Variants in BLK observed in about 807,000 individuals in gnomAD.
BLK encodes tyrosine-protein kinase Blk.
In BLK, 64 loss-of-function variants were observed where a neutral mutation model predicts 61.8. The observed-to-expected ratio is 1.03, with a 90% CI of 0.85 to 1.27. BLK has a LOEUF of 1.27. Ranked by LOEUF, BLK falls within the 50% of genes most tolerant of loss-of-function variation. The pLI, the probability that BLK is intolerant of heterozygous loss-of-function variation, is 0.00. For missense variants in BLK, 853 were observed against 660.5 expected (o/e 1.29, Z -3.19); for synonymous variants, 351 against 272.0 (o/e 1.29, Z -2.86).
chr8:11,549,913 C>G (rs1423383835), intron 5 of BLK: 11 of 539,868 alleles, frequency 2.0e-5, no homozygotes, highest in Non-Finnish European at 3.0e-5. Context: ...GGTCAACCAA[C>G]TAGTGTTCTT....
intron 1 of BLK, among the ~76,000 whole-genome samples, chr8:11,512,437 G>A (rs938907658): frequency 6.6e-6 from 1 of 152,194 alleles, no homozygotes; most frequent in African/African-American, 2.4e-5. Flanking sequence ...CACAGATGTG[G>A]ATAGTCTGAA....
intron 2 of BLK, among the ~76,000 whole-genome samples, chr8:11,543,597 T>C (rs764607633): frequency 1.3e-5 from 2 of 152,174 alleles, no homozygotes; most frequent in South Asian, 2.1e-4. Context: ...AAAGGTCAGC[T>C]TGGGGAGAGG....
At chr8:11,530,061 T>G (rs1476313235) in intron 1 of BLK, among the ~76,000 whole-genome samples, 3 of 152,226 alleles carry the variant, frequency 2.0e-5, no homozygotes, top group Non-Finnish European at 4.4e-5. Context: ...CAAGACCAAT[T>G]TATTTGCAAA....
At position 11,506,385 on chromosome 8, in the gene BLK, G is replaced by C. The variant is rs116375303; in HGVS notation, c.-2+11794G>C. Among the ~76,000 whole-genome samples, 603 of 152,274 alleles carry C rather than the reference G, an allele frequency of 4.0e-3. 4 individuals are homozygous for C. Among genetic ancestry groups the C allele is most frequent in the African/African-American group, 0.013 (556 of 41,546 alleles). ...AAACAACAGAATGTGCTGAATCCTT[G>C]TAACTGTTGGCCATGGCACTAGTTT... On this transcript the variant is annotated intron_variant, in intron 1 of 12. Coordinates refer to ENST00000259089, the MANE Select transcript of BLK (RefSeq NM_001715.3).
intron 8 of BLK, 130 bp downstream of exon 8, chr8:11,555,614 C>A: frequency 7.2e-7 from 1 of 1,390,868 alleles, no homozygotes; most frequent in Non-Finnish European, 9.9e-7. Context: ...AGGACAGAGG[C>A]GAGGACACTC....
chr8:11,534,494 G>A (rs1376740588), intron 1 of BLK, among the ~76,000 whole-genome samples: 1 of 152,120 alleles, frequency 6.6e-6, no homozygotes, highest in African/African-American at 2.4e-5. Context: ...AGAATCAAAT[G>A]TAGGTGACTC....
rs948829051 is a variant in BLK at position 11,543,491 on chromosome 8, A to C, written c.123+144A>C. On this transcript the variant is annotated intron_variant, in intron 2 of 12. Transcript: ENST00000259089. ...AATGTATAAGCAGGTGTGCCATGCA[A>C]TATAACACGCACAGGACCCGGCCTG... 5.0e-6 allele frequency: 6 copies of C among 1,206,028 alleles called. No individual in the cohort carries two copies. In the African/African-American group the frequency reaches 9.1e-5, roughly 18 times the overall value. The allele number at this position is 1,206,028 out of a possible 1,614,324, so 74.7% of individuals were successfully genotyped here.
At chr8:11,498,496 CTTTAAT>C (rs1324782719) in intron 1 of BLK, among the ~76,000 whole-genome samples, 1 of 152,194 alleles carries the variant, frequency 6.6e-6, no homozygotes, top group Non-Finnish European at 1.5e-5. Context: ...AGGAAGACTA[CTTTAAT>C]TTTCTCTCTC....
At chr8:11,514,762 C>G (rs1799157040) in intron 1 of BLK, among the ~76,000 whole-genome samples, 1 of 152,206 alleles carries the variant, frequency 6.6e-6, no homozygotes, top group African/African-American at 2.4e-5. Flanking sequence ...CATTCCAGCC[C>G]TGGCTGAGCA....
In BLK at chr8:11,564,142, C is replaced by A. The variant is rs1470766053; in HGVS notation, c.*34C>A. 6.5e-6 allele frequency: 10 copies of A among 1,535,792 alleles called. No homozygotes were observed. Among genetic ancestry groups the A allele is most frequent in the Non-Finnish European group, 8.7e-6 (10 of 1,145,866 alleles). On this transcript the variant is annotated 3_prime_UTR_variant, in exon 13 of 13. Transcript: ENST00000259089. ...GCCCGCCTGCGCCCCGTGCCCACCT[C>A]TGCGCGGACGACCCCGACTTCCGTG...
At chr8:11,517,257 C>A (rs549534018) in intron 1 of BLK, among the ~76,000 whole-genome samples, 21 of 152,224 alleles carry the variant, frequency 1.4e-4, no homozygotes, top group African/African-American at 5.1e-4. Flanking sequence ...GGAGAGCCAA[C>A]AGAAATCGGG....
At chr8:11,534,812 G>C (rs1240699101) in intron 1 of BLK, among the ~76,000 whole-genome samples, 2 of 152,208 alleles carry the variant, frequency 1.3e-5, no homozygotes, top group Admixed American at 6.5e-5. Flanking sequence ...AGGTGTTACA[G>C]AGCAGCCTCT....
chr8:11,548,371 C>T (rs962439875), intron 4 of BLK, among the ~76,000 whole-genome samples: 1 of 152,228 alleles, frequency 6.6e-6, no homozygotes, highest in African/African-American at 2.4e-5. Flanking sequence ...CATGCCACCG[C>T]CTCCATGCAG....
chr8:11,543,564 C>T (rs1800487290), intron 2 of BLK, among the ~76,000 whole-genome samples: 1 of 152,156 alleles, frequency 6.6e-6, no homozygotes, highest in Non-Finnish European at 1.5e-5. Context: ...CGAGGGCAGC[C>T]TTGAAAAGAA....
intron 1 of BLK, among the ~76,000 whole-genome samples, chr8:11,506,409 T>A (rs1798771165): frequency 6.6e-6 from 1 of 152,174 alleles, no homozygotes; most frequent in Admixed American, 6.5e-5. Context: ...TGGCACTAGT[T>A]TCATGGAAGG....
At chr8:11,558,947 C>T (rs1423922246) in intron 10 of BLK, 1 of 456,196 alleles carries the variant, frequency 2.2e-6, no homozygotes. Flanking sequence ...TGCCACAACG[C>T]CTTTTTCCGC....
chr8:11,529,968 G>A (rs754674852), intron 1 of BLK, among the ~76,000 whole-genome samples: 1 of 152,196 alleles, frequency 6.6e-6, no homozygotes, highest in Non-Finnish European at 1.5e-5. Flanking sequence ...AAGAACAATG[G>A]ATGAGGCTGG....
intron 3 of BLK, among the ~76,000 whole-genome samples, chr8:11,547,110 A>G (rs1800682193): frequency 1.3e-5 from 2 of 152,252 alleles, no homozygotes; most frequent in Non-Finnish European, 2.9e-5. Flanking sequence ...GGCATTCAGC[A>G]CACAGAGCCC....
intron 1 of BLK, among the ~76,000 whole-genome samples, chr8:11,527,772 G>T (rs758305493): frequency 8.7e-5 from 13 of 148,958 alleles, no homozygotes; most frequent in Non-Finnish European, 1.5e-4. Flanking sequence ...ACAAGTCTGG[G>T]TGTAAAAAAA....
Sources: gnomAD v4.1 joint callset for allele counts (sites outside exome capture counted in the v4.1 genomes callset) on GRCh38, gnomAD v4.1.1 for gene constraint, MANE v1.5 for transcripts, NCBI Gene and HGNC (gene_info 2026-07-23, HGNC 2026-07-21) for gene names.